Variants in APBB2 observed in about 807,000 individuals in gnomAD.
APBB2 encodes the protein amyloid beta precursor protein binding family B member 2.
In APBB2, 38 loss-of-function variants were observed where a neutral mutation model predicts 82.5. That is an observed-to-expected ratio of 0.46 (90% CI 0.36 to 0.60). APBB2 has a LOEUF of 0.60. APBB2 is among the 20% of genes least tolerant of loss of function. The pLI, the probability that APBB2 is intolerant of heterozygous loss-of-function variation, is 0.00. For synonymous variants in APBB2, 341 were observed against 368.2 expected, an observed-to-expected ratio of 0.93 and a Z score of 0.85; for missense variants, 772 against 972.3, an observed-to-expected ratio of 0.79 and a Z score of 2.74.
At chr4:40,917,736 G>A (rs1209448253) in intron 10 of APBB2, among the ~76,000 whole-genome samples, 1 of 152,216 alleles carries the variant, frequency 6.6e-6, no homozygotes, top group East Asian at 1.9e-4. Flanking sequence ...CCCTTCTACA[G>A]GATATCAAAG....
intron 2 of APBB2, among the ~76,000 whole-genome samples, chr4:41,101,884 G>A (rs1209139849): frequency 1.3e-5 from 2 of 151,842 alleles, no homozygotes; most frequent in South Asian, 2.1e-4. Flanking sequence ...GCTTGAACCC[G>A]GGAGGCGGAA....
chr4:41,097,581 G>A (rs1266450082), intron 3 of APBB2, among the ~76,000 whole-genome samples: 1 of 152,152 alleles, frequency 6.6e-6, no homozygotes, highest in Admixed American at 6.5e-5. Context: ...CAAAAAACTT[G>A]CTGCATACTC....
At chr4:41,173,555 T>C (rs1291937392) in intron 1 of APBB2, among the ~76,000 whole-genome samples, 1 of 152,200 alleles carries the variant, frequency 6.6e-6, no homozygotes, top group Non-Finnish European at 1.5e-5. Context: ...TAGGTGCACA[T>C]AACAACACTT....
At chr4:41,027,855 T>G (rs62412143) in intron 5 of APBB2, among the ~76,000 whole-genome samples, 6,976 of 152,266 alleles carry the variant, frequency 0.046, 344 homozygotes, top group African/African-American at 0.12. Context: ...GGTGGATGGG[T>G]CCCCCAGTGA....
At chr4:40,933,010 T>C (rs182351632) in intron 10 of APBB2, among the ~76,000 whole-genome samples, 32 of 152,256 alleles carry the variant, frequency 2.1e-4, no homozygotes, top group African/African-American at 6.7e-4. Context: ...ATTACAGGCA[T>C]GTGCCAACAA....
intron 12 of APBB2, chr4:40,842,342 G>C (rs546879932): frequency 2.5e-4 from 113 of 455,532 alleles, no homozygotes; most frequent in East Asian, 9.7e-4. Flanking sequence ...CACCACGAAG[G>C]GGGGAGAAGT....
At chr4:41,184,099 A>G (rs1772199974) in intron 1 of APBB2, among the ~76,000 whole-genome samples, 1 of 151,934 alleles carries the variant, frequency 6.6e-6, no homozygotes, top group Non-Finnish European at 1.5e-5. Context: ...TCACAATAGG[A>G]TTCGTGCTCC....
chr4:41,099,221 C>A (rs973087053), intron 3 of APBB2, among the ~76,000 whole-genome samples: 1 of 152,084 alleles, frequency 6.6e-6, no homozygotes, highest in African/African-American at 2.4e-5. Context: ...TGCACACACA[C>A]GTATATGGTT....
At chr4:41,120,737 C>G (rs1317889501) in intron 2 of APBB2, among the ~76,000 whole-genome samples, 1 of 152,164 alleles carries the variant, frequency 6.6e-6, no homozygotes, top group Non-Finnish European at 1.5e-5. Context: ...CTTTCACAGG[C>G]ACCGCGCTCT....
intron 1 of APBB2, among the ~76,000 whole-genome samples, chr4:41,203,065 TCA>T (rs1777083791): frequency 1.3e-5 from 2 of 151,406 alleles, no homozygotes; most frequent in Non-Finnish European, 2.9e-5. Flanking sequence ...CACATTCTCC[TCA>T]GTTTTTTTTT....
chr4:40,924,945 A>C (rs973188269), intron 10 of APBB2, among the ~76,000 whole-genome samples: 1 of 152,224 alleles, frequency 6.6e-6, no homozygotes, highest in Non-Finnish European at 1.5e-5. Flanking sequence ...TTTACATATC[A>C]AATCATTTTC....
chr4:40,907,385 T>A (rs1479282325), intron 10 of APBB2, among the ~76,000 whole-genome samples: 40 of 62,208 alleles, frequency 6.4e-4, no homozygotes, highest in South Asian at 5.7e-3. Context: ...ATATATTTTT[T>A]TTTTTTTTTT....
intron 4 of APBB2, among the ~76,000 whole-genome samples, chr4:41,044,640 T>A (rs1318429883): frequency 6.6e-6 from 1 of 152,354 alleles, no homozygotes; most frequent in Non-Finnish European, 1.5e-5. Context: ...CACATTTTGT[T>A]TCCTTTGAAT....
rs190323518 is a variant in APBB2, at chr4:41,054,373, G to C, written c.-51+11203C>G. Among the ~76,000 whole-genome samples the C allele has an allele frequency of 4.5e-4, 68 of 150,954 alleles. No homozygotes were observed. In the East Asian group the frequency reaches 0.011, roughly 25 times the overall value. On this transcript the variant is annotated intron_variant, in intron 4 of 17. Coordinates refer to ENST00000508593, the MANE Select transcript of APBB2 (RefSeq NM_004307.2). ...TGCTACAAGGAATGCTGGAAAATCA[G>C]GGTTCAGGACTGGTATATTGGCTTA...
chr4:41,053,110 A>G (rs901763344), intron 4 of APBB2, among the ~76,000 whole-genome samples: 6 of 152,144 alleles, frequency 3.9e-5, no homozygotes, highest in Non-Finnish European at 8.8e-5. Context: ...GTAACTGCAC[A>G]TATTTTTATT....
intron 1 of APBB2, among the ~76,000 whole-genome samples, chr4:41,192,671 C>G (rs1340315937): frequency 6.6e-6 from 1 of 151,920 alleles, no homozygotes; most frequent in Non-Finnish European, 1.5e-5. Flanking sequence ...TCAGAGGATA[C>G]AAAGTAGCAG....
intron 10 of APBB2, among the ~76,000 whole-genome samples, chr4:40,913,175 T>C (rs1674670291): frequency 6.6e-6 from 1 of 151,774 alleles, no homozygotes; most frequent in Non-Finnish European, 1.5e-5. Context: ...AGAGACAGCC[T>C]GCAGTCAGCA....
Position 40,935,083 on chromosome 4 carries a change from A to G in APBB2, c.1101T>C (p.Ile367=). ...VLNGGKINSD[I]WKDLHAATVN... ...GATCTGACAATATACTTGCCTTCCA[A>G]ATGTCACTATTAATCTTTCCCCCAT... The change falls in exon 8 of 18, where the codon ATT becomes ATC. Residue 367 remains isoleucine, a synonymous_variant. Transcript: ENST00000508593. 1.3e-6 allele frequency: 2 copies of G among 1,534,374 alleles called. No homozygotes were observed. Among genetic ancestry groups the G allele is most frequent in the Non-Finnish European group, 1.7e-6 (2 of 1,144,476 alleles).
intron 2 of APBB2, among the ~76,000 whole-genome samples, chr4:41,142,070 G>C (rs1759383781): frequency 6.6e-6 from 1 of 152,094 alleles, no homozygotes; most frequent in African/African-American, 2.4e-5. Context: ...GGAAAAATCT[G>C]GATGATTTAT....
Sources: allele counts gnomAD v4.1 joint callset (sites outside exome capture counted in the v4.1 genomes callset), GRCh38; gene constraint gnomAD v4.1.1; transcripts MANE v1.5; gene names NCBI Gene and HGNC (gene_info 2026-07-23, HGNC 2026-07-21).